UBR3: variants seen among roughly 807,000 people sequenced by gnomAD.
UBR3 encodes E3 ubiquitin-protein ligase UBR3.
In UBR3, 85 loss-of-function variants were observed where a neutral mutation model predicts 243.2. The observed-to-expected ratio is 0.35, with a 90% CI of 0.29 to 0.42. The LOEUF (loss-of-function observed/expected upper bound fraction) is 0.42. Among genes scored for constraint, UBR3 ranks in the 10% least tolerant of loss-of-function variants. The pLI is 1.00. For synonymous variants in UBR3, 748 were observed against 799.8 expected, an observed-to-expected ratio of 0.94 and a Z score of 1.09; for missense variants, 1,686 against 2,300.8, an observed-to-expected ratio of 0.73 and a Z score of 5.47.
chr2:170,007,313 G>A (rs185660462), intron 28 of UBR3, 123 bp downstream of exon 28: 3 of 1,012,560 alleles, frequency 3.0e-6, no homozygotes, highest in Non-Finnish European at 4.3e-6. Flanking sequence ...GCTTTTAGAG[G>A]TTTTGTTCTC....
chr2:169,875,871 A>C lies in UBR3; in HGVS notation c.766A>C (p.Thr256Pro). 1 of 1,550,210 alleles carries C rather than the reference A, an allele frequency of 6.5e-7. No homozygotes were observed. The stretch of plus-strand genomic sequence containing the variant: ...TCAAATTTCCTTTTTAGAAGACCTG[A>C]CTAAAATGGGAGGAGCAATGCGGTC... ...EPQISFLEDL[T>P]KMGGAMRSVL... The change falls in exon 3 of 39, where the codon ACT (threonine) becomes CCT (proline). Residue 256 changes from threonine (T) to proline (P), a missense_variant. Coordinates refer to ENST00000272793, the MANE Select transcript of UBR3 (RefSeq NM_172070.4).
chr2:170,057,186 G>A (rs1021243099), intron 33 of UBR3, among the ~76,000 whole-genome samples: 1 of 151,194 alleles, frequency 6.6e-6, no homozygotes, highest in South Asian at 2.1e-4. Flanking sequence ...TATGATCAGG[G>A]CTCACTGCAG....
chr2:169,890,272 C>T (rs2084276857), intron 5 of UBR3, among the ~76,000 whole-genome samples: 1 of 151,988 alleles, frequency 6.6e-6, no homozygotes, highest in South Asian at 2.1e-4. Flanking sequence ...GGCGGGCTGC[C>T]TTCTTTGCTC....
chr2:169,984,399 C>G (rs1418694710), intron 24 of UBR3, among the ~76,000 whole-genome samples: 1 of 152,156 alleles, frequency 6.6e-6, no homozygotes, highest in Non-Finnish European at 1.5e-5. Flanking sequence ...CATAAGCTCC[C>G]TTCATGGTCT....
At chr2:169,950,216 G>A in intron 23 of UBR3, 151 bp downstream of exon 23, 2 of 727,066 alleles carry the variant, frequency 2.8e-6, no homozygotes, top group Non-Finnish European at 4.2e-6. Context: ...AGCATAGTCA[G>A]TGCTTGTACA....
At position 169,902,049 on chromosome 2, in the gene UBR3, T is replaced by TTG. The variant is rs561735880; in HGVS notation, c.1466-3053_1466-3052dup. Among the ~76,000 whole-genome samples the TTG allele has an allele frequency of 3.0e-4, 46 of 152,188 alleles. No individual in the cohort carries two copies. In the South Asian group the frequency reaches 7.9e-3, roughly 26 times the overall value. ...TTAATCTGGCTGCTTTTACATTATC[T>TTG]TGTGTGTGTGTGTATGTACATGAGC... On this transcript the variant is annotated intron_variant, in intron 8 of 38. Transcript: ENST00000272793.
At chr2:169,951,461 G>T (rs1370118299) in intron 23 of UBR3, among the ~76,000 whole-genome samples, 2 of 152,122 alleles carry the variant, frequency 1.3e-5, no homozygotes, top group Admixed American at 1.3e-4. Flanking sequence ...TGACCTCGAG[G>T]AATTGATACT....
chr2:169,939,390 C>G (rs1181405309), intron 19 of UBR3, among the ~76,000 whole-genome samples: 1 of 151,256 alleles, frequency 6.6e-6, no homozygotes, highest in East Asian at 1.9e-4. Flanking sequence ...TCCTGAGTAG[C>G]TGGGACTACA....
intron 8 of UBR3, among the ~76,000 whole-genome samples, chr2:169,897,314 T>C (rs1467274306): frequency 1.3e-5 from 2 of 152,186 alleles, no homozygotes; most frequent in East Asian, 3.9e-4. Flanking sequence ...GAACTTTATA[T>C]TCTTCTTTTG....
Position 169,994,460 on chromosome 2 carries a change from A to G in UBR3, c.3918+4A>G. 6.2e-7 allele frequency: 1 copy of G among 1,612,724 alleles called. No homozygotes were observed. On this transcript the variant is annotated splice_donor_region_variant and intron_variant, in intron 26 of 38. Transcript: ENST00000272793. ...ATTACAGCGTTATTTTAAGGATGTA[A>G]GTACTCTTTATAAAATAGTACTTTT...
intron 32 of UBR3, among the ~76,000 whole-genome samples, chr2:170,050,603 G>A (rs2091195017): frequency 6.6e-6 from 1 of 152,050 alleles, no homozygotes; most frequent in Non-Finnish European, 1.5e-5. Flanking sequence ...TGTTGTTATT[G>A]TAGTTTTTAA....
At chr2:169,939,554 A>G (rs2086495207) in intron 19 of UBR3, among the ~76,000 whole-genome samples, 1 of 151,242 alleles carries the variant, frequency 6.6e-6, no homozygotes, top group South Asian at 2.1e-4. Flanking sequence ...GGTGTGAGCC[A>G]TCGTGCCAGG....
chr2:169,979,318 G>A (rs13426769), intron 24 of UBR3, among the ~76,000 whole-genome samples: 26,981 of 152,060 alleles, frequency 0.18, 2,652 homozygotes, highest in East Asian at 0.37. Flanking sequence ...AAAATGGTAC[G>A]GCTGCTTTGG....
chr2:170,081,455 G>T (rs570673000), intron 38 of UBR3, among the ~76,000 whole-genome samples: 1 of 151,914 alleles, frequency 6.6e-6, no homozygotes. Flanking sequence ...AGCCAAGATC[G>T]TGCCACTGCA....
At chr2:169,965,524 A>C (rs1047886786) in intron 24 of UBR3, among the ~76,000 whole-genome samples, 1 of 152,200 alleles carries the variant, frequency 6.6e-6, no homozygotes, top group Non-Finnish European at 1.5e-5. Context: ...TAGCAACACA[A>C]TAATAAAATA....
rs1168166325 is a variant in UBR3 at position 170,000,849 on chromosome 2, A to C, written c.3919-455A>C. Among the ~76,000 whole-genome samples, 3 of 152,216 alleles carry C rather than the reference A, an allele frequency of 2.0e-5. No individual in the cohort carries two copies. The East Asian group carries it at 5.8e-4, about 29-fold the overall frequency. Reference sequence around the variant, plus strand: ...CAAAGAAAAAAAGATCCTTAGAAGGAAGGCTGAGAAAAACAGTTAAAGAGG... The same window carrying C: ...CAAAGAAAAAAAGATCCTTAGAAGGCAGGCTGAGAAAAACAGTTAAAGAGG... On this transcript the variant is annotated intron_variant, in intron 26 of 38. Coordinates refer to ENST00000272793, the MANE Select transcript of UBR3 (RefSeq NM_172070.4).
chr2:170,064,803 A>ATTTTTTTTTTTTTT, intron 35 of UBR3, among the ~76,000 whole-genome samples: 2 of 87,872 alleles, frequency 2.3e-5, no homozygotes, highest in Non-Finnish European at 4.5e-5. Flanking sequence ...TGCTTTTTCT[A>ATTTTTTTTTTTTTT]TTTTTTTTTT....
intron 2 of UBR3, among the ~76,000 whole-genome samples, chr2:169,875,107 C>T (rs550179867): frequency 1.3e-4 from 19 of 151,988 alleles, no homozygotes; most frequent in African/African-American, 4.6e-4. Flanking sequence ...CTTCAGCTAA[C>T]ATGTATCTGT....
At position 170,080,597 on chromosome 2, in the gene UBR3, C is replaced by T. The variant is rs775595123; in HGVS notation, c.5462C>T (p.Ser1821Leu). Residue 1821 changes from serine (S) to leucine (L), a missense_variant, in exon 38 of 39, where the codon TCG becomes TTG. Physicochemically the swap from Ser to Leu is moderately radical, Grantham distance 145. Transcript: ENST00000272793. ...GTGIFLLINA[S>L]VIIIIRGHRF... ...GGTATTTTCCTTTTGATCAATGCAT[C>T]GGTAATTATCATCATTCGAGGTCAC... The T allele has an allele frequency of 6.2e-6, 10 of 1,613,958 alleles. No individual in the cohort carries two copies. Among genetic ancestry groups the T allele is most frequent in the South Asian group, 1.1e-5 (1 of 91,042 alleles).
Sources: gnomAD v4.1 joint callset for allele counts (sites outside exome capture counted in the v4.1 genomes callset) on GRCh38, gnomAD v4.1.1 for gene constraint, MANE v1.5 for transcripts, NCBI Gene and HGNC (gene_info 2026-07-23, HGNC 2026-07-21) for gene names.